Variants in CD200R1 observed in about 807,000 individuals in gnomAD.
CD200R1 encodes the protein CD200 receptor 1, also known as cell surface glycoprotein CD200 receptor 1.
A neutral mutation model predicts 38.1 loss-of-function variants in CD200R1; 30 were observed. That is an observed-to-expected ratio of 0.79 (90% CI 0.59 to 1.07). The LOEUF is 1.07. Ranked by LOEUF, CD200R1 falls within the 50% of genes least tolerant of loss-of-function variation. The pLI is 0.00. For missense variants in CD200R1, 372 were observed against 415.4 expected, an observed-to-expected ratio of 0.90 and a Z score of 0.91; for synonymous variants, 128 against 152.1, an observed-to-expected ratio of 0.84 and a Z score of 1.16.
At chr3:112,936,574 A>T (rs140507562) in intron 2 of CD200R1, among the ~76,000 whole-genome samples, 9,680 of 151,900 alleles carry the variant, frequency 0.064, 471 homozygotes, top group East Asian at 0.18. Context: ...GCTTTTTTTC[A>T]TATGTTTCTT....
intron 1 of CD200R1, 84 bp downstream of exon 1, chr3:112,974,707 G>A (rs1933398176): frequency 3.0e-5 from 26 of 878,686 alleles, no homozygotes; most frequent in Middle Eastern, 4.3e-4. Context: ...GATTTGTATT[G>A]CCCCAGAAGA....
intron 5 of CD200R1, among the ~76,000 whole-genome samples, chr3:112,926,523 G>T (rs1389072118): frequency 6.6e-6 from 1 of 152,114 alleles, no homozygotes; most frequent in Non-Finnish European, 1.5e-5. Flanking sequence ...GGAGATCCCT[G>T]CTGTACATAG....
chr3:112,929,163 A>T (rs1453733865), intron 4 of CD200R1, 27 bp downstream of exon 4: 1 of 1,613,698 alleles, frequency 6.2e-7, no homozygotes, highest in Non-Finnish European at 8.5e-7. Context: ...GGTGATGTGA[A>T]ATACCTCAAT....
intron 1 of CD200R1, among the ~76,000 whole-genome samples, chr3:112,970,047 G>A (rs1384135537): frequency 1.3e-5 from 2 of 151,934 alleles, no homozygotes. Flanking sequence ...GCGTGGTGGT[G>A]CACACCTGTA....
rs1336472109 is a variant in CD200R1 at position 112,923,247 on chromosome 3, G to C, written c.*430C>G. On this transcript the variant is annotated 3_prime_UTR_variant, in exon 8 of 8. Coordinates refer to ENST00000308611, the MANE Select transcript of CD200R1 (RefSeq NM_138806.4). ...TTGTTCCCACTGGTGCCTTGACAAA[G>C]ATATGTGCATGTATATGTAAGGGGA... The C allele has an allele frequency of 1.3e-5, 2 of 153,514 alleles. No homozygotes were observed. Among genetic ancestry groups the C allele is most frequent in the African/African-American group, 2.4e-5 (1 of 41,444 alleles). 9.5% of individuals were successfully genotyped at this position (153,514 alleles called of 1,614,324 possible). A position where few individuals can be genotyped will look rare whatever the true frequency, so the allele number is the denominator to read the frequency against.
chr3:112,929,614 T>G (rs1940378291), intron 3 of CD200R1, 107 bp from the exon 4 acceptor site: 1 of 1,019,856 alleles, frequency 9.8e-7, no homozygotes, highest in African/African-American at 1.6e-5. Flanking sequence ...TTGTTGGTGA[T>G]CTTATTCCAA....
intron 1 of CD200R1, among the ~76,000 whole-genome samples, chr3:112,974,253 T>C (rs564509477): frequency 1.3e-5 from 2 of 152,148 alleles, no homozygotes; most frequent in Non-Finnish European, 1.5e-5. Flanking sequence ...ATGGACAATA[T>C]AGCAAGACTC....
chr3:112,924,403 TA>T, intron 7 of CD200R1, 86 bp downstream of exon 7: 1 of 1,036,256 alleles, frequency 9.7e-7, no homozygotes. Flanking sequence ...ACTGAAACAC[TA>T]ATATTGATAC....
intron 6 of CD200R1, 128 bp from the exon 7 acceptor site, chr3:112,924,663 GA>G (rs1199072084): frequency 2.0e-6 from 1 of 506,058 alleles, no homozygotes; most frequent in Non-Finnish European, 3.0e-6. Flanking sequence ...AAATCAGAAA[GA>G]AACTACTAGA....
intron 2 of CD200R1, among the ~76,000 whole-genome samples, chr3:112,933,917 AATAC>A (rs1461498740): frequency 7.9e-5 from 12 of 152,110 alleles, no homozygotes; most frequent in African/African-American, 2.9e-4. Context: ...CTTTTGAAAT[AATAC>A]ATGAGGATTT....
intron 1 of CD200R1, among the ~76,000 whole-genome samples, chr3:112,958,134 G>A (rs945918570): frequency 6.6e-6 from 1 of 151,930 alleles, no homozygotes; most frequent in African/African-American, 2.4e-5. Flanking sequence ...CATTCCAACT[G>A]TATTTATCTA....
At chr3:112,948,773 G>A (rs1940917713) in intron 1 of CD200R1, among the ~76,000 whole-genome samples, 1 of 152,184 alleles carries the variant, frequency 6.6e-6, no homozygotes, top group South Asian at 2.1e-4. Flanking sequence ...GTGAGAATTG[G>A]TAGTACACAT....
chr3:112,924,713 C>A (rs9870568), intron 6 of CD200R1, among the ~76,000 whole-genome samples, 178 bp from the exon 7 acceptor site: 89,256 of 151,792 alleles, frequency 0.59, 26,658 homozygotes, highest in African/African-American at 0.7. Flanking sequence ...ATATCCCCAA[C>A]TAAGAATATT....
At chr3:112,948,651 G>T (rs922490373) in intron 1 of CD200R1, among the ~76,000 whole-genome samples, 4 of 152,286 alleles carry the variant, frequency 2.6e-5, no homozygotes, top group African/African-American at 9.6e-5. Context: ...CCTGCTGTGC[G>T]GCCCAATCCC....
chr3:112,927,631 G>C (rs533240232), intron 5 of CD200R1, among the ~76,000 whole-genome samples: 3 of 152,106 alleles, frequency 2.0e-5, no homozygotes, highest in Non-Finnish European at 4.4e-5. Context: ...GCTAAGTAGA[G>C]GACTGAGGCA....
intron 1 of CD200R1, among the ~76,000 whole-genome samples, chr3:112,953,335 G>A (rs1190415651): frequency 1.3e-5 from 2 of 152,056 alleles, no homozygotes; most frequent in Non-Finnish European, 2.9e-5. Flanking sequence ...TTTTTAATCT[G>A]CTATTTATTT....
intron 1 of CD200R1, among the ~76,000 whole-genome samples, chr3:112,972,047 T>G (rs1049362560): frequency 2.0e-5 from 3 of 152,224 alleles, no homozygotes; most frequent in African/African-American, 7.2e-5. Flanking sequence ...ATCTTACCTT[T>G]GTCTTTCTAA....
At chr3:112,939,674 A>G (rs935577302) in intron 2 of CD200R1, among the ~76,000 whole-genome samples, 6 of 151,946 alleles carry the variant, frequency 3.9e-5, no homozygotes, top group African/African-American at 1.4e-4. Flanking sequence ...TCCCATATTC[A>G]TGGACTAGAA....
intron 1 of CD200R1, among the ~76,000 whole-genome samples, chr3:112,957,991 C>T (rs575811359): frequency 6.6e-6 from 1 of 152,090 alleles, no homozygotes; most frequent in East Asian, 1.9e-4. Context: ...AATAATAAAT[C>T]CTGGCAAGAA....
Sources: gnomAD v4.1 joint callset for allele counts (sites outside exome capture counted in the v4.1 genomes callset) on GRCh38, gnomAD v4.1.1 for gene constraint, MANE v1.5 for transcripts, NCBI Gene and HGNC (gene_info 2026-07-23, HGNC 2026-07-21) for gene names.